SPIDR: variants seen among roughly 807,000 people sequenced by gnomAD.
The protein encoded by SPIDR is scaffold protein involved in DNA repair.
SPIDR carries 93 observed loss-of-function variants against 104.6 expected under a neutral mutation model. The observed-to-expected ratio is 0.89, with a 90% CI of 0.75 to 1.06. The LOEUF (loss-of-function observed/expected upper bound fraction) is 1.06. SPIDR is among the 50% of genes least tolerant of loss of function. The pLI is 0.00. For synonymous variants in SPIDR, 431 were observed against 416.9 expected (o/e 1.03, Z -0.41); for missense variants, 1,154 against 1,111.2 (o/e 1.04, Z -0.55).
At chr8:47,657,208 G>C (rs890440036) in intron 10 of SPIDR, among the ~76,000 whole-genome samples, 7 of 152,018 alleles carry the variant, frequency 4.6e-5, no homozygotes, top group African/African-American at 1.7e-4. Context: ...TATGGCATGT[G>C]AATTATACCT....
chr8:47,693,002 C>T (rs1236228430), intron 11 of SPIDR, among the ~76,000 whole-genome samples: 1 of 152,178 alleles, frequency 6.6e-6, no homozygotes, highest in African/African-American at 2.4e-5. Context: ...TTTACCATCC[C>T]ACCAGCCTAA....
chr8:47,656,814 A>T (rs558529545), intron 10 of SPIDR, among the ~76,000 whole-genome samples: 1 of 152,270 alleles, frequency 6.6e-6, no homozygotes, highest in African/African-American at 2.4e-5. Flanking sequence ...GTAATGGAAT[A>T]TCATTCAGCA....
At chr8:47,280,539 C>A (rs370853249) in intron 2 of SPIDR, among the ~76,000 whole-genome samples, 2 of 151,974 alleles carry the variant, frequency 1.3e-5, no homozygotes, top group Non-Finnish European at 2.9e-5. Flanking sequence ...ATTACAGGTG[C>A]GTGCCACCAC....
At chr8:47,549,940 G>A (rs926519477) in intron 8 of SPIDR, among the ~76,000 whole-genome samples, 15 of 152,138 alleles carry the variant, frequency 9.9e-5, no homozygotes, top group Non-Finnish European at 4.4e-5. Context: ...ATTAATTTTT[G>A]TATAAGGTGT....
intron 5 of SPIDR, among the ~76,000 whole-genome samples, chr8:47,356,670 T>C (rs1050368277): frequency 2.2e-4 from 34 of 152,216 alleles, no homozygotes; most frequent in African/African-American, 8.2e-4. Flanking sequence ...ATAACTTATA[T>C]TTCCAGAAGA....
chr8:47,715,724 T>C (rs950744054), intron 16 of SPIDR, among the ~76,000 whole-genome samples: 1 of 152,228 alleles, frequency 6.6e-6, no homozygotes, highest in African/African-American at 2.4e-5. Context: ...ATTTTGTTTA[T>C]CCTTTCCTCA....
intron 4 of SPIDR, among the ~76,000 whole-genome samples, chr8:47,293,187 G>A (rs1245362267): frequency 6.6e-6 from 1 of 152,038 alleles, no homozygotes; most frequent in Non-Finnish European, 1.5e-5. Flanking sequence ...CTGGAGTGCA[G>A]TGGATCATAG....
intron 10 of SPIDR, among the ~76,000 whole-genome samples, chr8:47,647,655 G>GAGAGGGAGA (rs1299640663): frequency 2.2e-4 from 11 of 50,214 alleles, no homozygotes; most frequent in Non-Finnish European, 7.9e-5. Context: ...AGAGAGAGAG[G>GAGAGGGAGA]GAGAGAGAGA....
chr8:47,629,077 ATC>A (rs2154441278), intron 10 of SPIDR, among the ~76,000 whole-genome samples: 1 of 152,378 alleles, frequency 6.6e-6, no homozygotes, highest in African/African-American at 2.4e-5. Context: ...AGATGCAGGC[ATC>A]TCTCACAGTT....
intron 19 of SPIDR, chr8:47,732,568 C>T (rs1464895655): frequency 4.5e-6 from 1 of 220,402 alleles, no homozygotes; most frequent in Non-Finnish European, 9.1e-6. Context: ...ACTCCATGCC[C>T]AGCTCTATTC....
At chr8:47,493,967 T>A (rs2079085467) in intron 8 of SPIDR, among the ~76,000 whole-genome samples, 1 of 152,118 alleles carries the variant, frequency 6.6e-6, no homozygotes, top group Non-Finnish European at 1.5e-5. Flanking sequence ...GAGAGCAAAT[T>A]ATGGAAGGTT....
chr8:47,685,517 A>ATTTATTT (rs761792229), intron 11 of SPIDR, among the ~76,000 whole-genome samples: 1 of 130,098 alleles, frequency 7.7e-6, no homozygotes. Flanking sequence ...TTATTTATTT[A>ATTTATTT]TTTTTTTGAG....
intron 5 of SPIDR, among the ~76,000 whole-genome samples, chr8:47,363,500 TA>T (rs34766173): frequency 0.57 from 79,653 of 139,522 alleles, 23,609 homozygotes; most frequent in East Asian, 0.73. Flanking sequence ...CAACCTTTTT[TA>T]AAAAAAAAAA....
chr8:47,403,060 A>G (rs1022068001), intron 6 of SPIDR, among the ~76,000 whole-genome samples: 1 of 152,258 alleles, frequency 6.6e-6, no homozygotes, highest in Non-Finnish European at 1.5e-5. Context: ...TACGCAAATC[A>G]GTAAACGTAA....
chr8:47,695,133 T>C (rs759422364), intron 11 of SPIDR, among the ~76,000 whole-genome samples: 15 of 151,942 alleles, frequency 9.9e-5, no homozygotes, highest in Admixed American at 2.0e-4. Flanking sequence ...CATGAGAGAA[T>C]GGAAGTGAGA....
intron 8 of SPIDR, among the ~76,000 whole-genome samples, chr8:47,582,078 G>T (rs558862993): frequency 1.0e-3 from 156 of 152,066 alleles, no homozygotes; most frequent in Non-Finnish European, 2.0e-3. Flanking sequence ...TTAGCCAGGC[G>T]TGGTGGCGGG....
At chr8:47,446,944 A>G (rs2070756148) in intron 8 of SPIDR, among the ~76,000 whole-genome samples, 1 of 151,928 alleles carries the variant, frequency 6.6e-6, no homozygotes, top group Non-Finnish European at 1.5e-5. Flanking sequence ...TCACCATTCT[A>G]CCTCCCATTA....
intron 10 of SPIDR, among the ~76,000 whole-genome samples, chr8:47,622,550 C>T (rs2065323018): frequency 2.0e-5 from 3 of 152,098 alleles, no homozygotes; most frequent in Admixed American, 1.3e-4. Flanking sequence ...AGGGGGTGCA[C>T]AGAAGGTGGA....
chr8:47,502,179 T>C (rs1445002959), intron 8 of SPIDR, among the ~76,000 whole-genome samples: 2 of 152,226 alleles, frequency 1.3e-5, no homozygotes, highest in Non-Finnish European at 1.5e-5. Context: ...GACGATTCCC[T>C]CTTTTTCTGT....
Sources: gnomAD v4.1 joint callset for allele counts (sites outside exome capture counted in the v4.1 genomes callset) on GRCh38, gnomAD v4.1.1 for gene constraint, MANE v1.5 for transcripts, NCBI Gene and HGNC (gene_info 2026-07-23, HGNC 2026-07-21) for gene names.